Variants in SCAPER observed in about 807,000 individuals in gnomAD.
The protein encoded by SCAPER is S phase cyclin A-associated protein in the endoplasmic reticulum.
In SCAPER, 98 loss-of-function variants were observed where a neutral mutation model predicts 182.2. That is an observed-to-expected ratio of 0.54 (90% CI 0.46 to 0.64). The LOEUF is 0.64. Ranked by LOEUF, SCAPER falls within the 30% of genes least tolerant of loss-of-function variation. The pLI is 0.00. For synonymous variants in SCAPER, 605 were observed against 564.6 expected (o/e 1.07, Z -1.01); for missense variants, 1,432 against 1,690.0 (o/e 0.85, Z 2.68).
At chr15:76,671,768 T>TA (rs879625839) in intron 20 of SCAPER, among the ~76,000 whole-genome samples, 1,489 of 142,570 alleles carry the variant, frequency 0.01, 18 homozygotes, top group African/African-American at 0.034. Context: ...AGACTCCGTT[T>TA]AAAAAAAAAA....
At chr15:76,434,010 G>A in intron 26 of SCAPER, 68 bp downstream of exon 26, 1 of 1,337,426 alleles carries the variant, frequency 7.5e-7, no homozygotes. Flanking sequence ...CATGGGCCTT[G>A]AGATTTAAAT....
intron 17 of SCAPER, among the ~76,000 whole-genome samples, chr15:76,710,712 T>C (rs896705787): frequency 2.0e-5 from 3 of 152,180 alleles, no homozygotes; most frequent in Non-Finnish European, 4.4e-5. Flanking sequence ...AACTGACCTA[T>C]AGATTCAATG....
intron 24 of SCAPER, among the ~76,000 whole-genome samples, chr15:76,504,453 T>C (rs1005682807): frequency 6.6e-6 from 1 of 152,206 alleles, no homozygotes; most frequent in Non-Finnish European, 1.5e-5. Context: ...GCTCTTCCTG[T>C]ATGGTAGGAA....
intron 23 of SCAPER, among the ~76,000 whole-genome samples, chr15:76,544,231 G>A (rs1331631032): frequency 6.6e-6 from 1 of 152,138 alleles, no homozygotes; most frequent in Non-Finnish European, 1.5e-5. Context: ...AATGTAAAGT[G>A]AAACAGGTGC....
chr15:76,470,795 C>T (rs912660289), intron 25 of SCAPER, among the ~76,000 whole-genome samples: 7 of 152,144 alleles, frequency 4.6e-5, no homozygotes, highest in African/African-American at 1.7e-4. Context: ...AAATATCCAT[C>T]AAAAAGTCCT....
At chr15:76,477,164 A>C (rs924765458) in intron 24 of SCAPER, among the ~76,000 whole-genome samples, 4 of 152,202 alleles carry the variant, frequency 2.6e-5, no homozygotes, top group Non-Finnish European at 5.9e-5. Flanking sequence ...TAACATTGTG[A>C]CTTTGAAGGC....
chr15:76,825,776 G>A (rs12910293), intron 5 of SCAPER, among the ~76,000 whole-genome samples: 57,997 of 151,902 alleles, frequency 0.38, 13,080 homozygotes, highest in Middle Eastern at 0.53. Flanking sequence ...ACAGAGTCTC[G>A]CTCTGTTGCC....
At chr15:76,687,255 C>G (rs2058082578) in intron 20 of SCAPER, among the ~76,000 whole-genome samples, 1 of 151,864 alleles carries the variant, frequency 6.6e-6, no homozygotes, top group African/African-American at 2.4e-5. Flanking sequence ...GACATTTGAT[C>G]TAATATATGT....
intron 23 of SCAPER, among the ~76,000 whole-genome samples, chr15:76,528,508 T>C (rs906527727): frequency 3.3e-5 from 5 of 152,170 alleles, no homozygotes; most frequent in African/African-American, 1.2e-4. Flanking sequence ...GGCACCACCA[T>C]CCATACTCCA....
chr15:76,419,903 A>T (rs2957610), intron 26 of SCAPER, among the ~76,000 whole-genome samples: 6,993 of 152,264 alleles, frequency 0.046, 350 homozygotes, highest in African/African-American at 0.13. Context: ...ATACTAACAA[A>T]CTAAATTCAA....
chr15:76,875,888 C>T lies in SCAPER; in HGVS notation c.6+7924G>A, dbSNP rs112575626. ...CGAAAGAGCAGGGGGCGGCGCTGGT[C>T]GAGGAGGCTCGGGCCGCGCAGGACC... On this transcript the variant is annotated intron_variant, in intron 2 of 31. Coordinates refer to ENST00000563290, the MANE Select transcript of SCAPER (RefSeq NM_020843.4). Among the ~76,000 whole-genome samples the T allele has an allele frequency of 7.8e-3, 1,194 of 152,196 alleles. 11 individuals carry two copies. The highest frequency in any genetic ancestry group is 0.027 in the African/African-American group (1,132 of 41,490).
At chr15:76,579,413 G>C (rs1426670278) in intron 22 of SCAPER, among the ~76,000 whole-genome samples, 1 of 151,574 alleles carries the variant, frequency 6.6e-6, no homozygotes, top group African/African-American at 2.4e-5. Context: ...TTCTTTGCTT[G>C]TTTGTTATTT....
At chr15:76,754,071 C>A in intron 14 of SCAPER, 123 bp from the exon 15 acceptor site, 1 of 1,054,922 alleles carries the variant, frequency 9.5e-7, no homozygotes, top group East Asian at 2.4e-5. Flanking sequence ...AGCAACATGA[C>A]TAACAATTAA....
chr15:76,859,276 G>A (rs2071674212), intron 3 of SCAPER, among the ~76,000 whole-genome samples: 1 of 152,188 alleles, frequency 6.6e-6, no homozygotes, highest in South Asian at 2.1e-4. Context: ...ACATAAGTGG[G>A]ACACCCTCAC....
intron 23 of SCAPER, among the ~76,000 whole-genome samples, chr15:76,537,409 C>A (rs180852064): frequency 3.4e-4 from 51 of 152,222 alleles, no homozygotes; most frequent in African/African-American, 1.1e-3. Context: ...TCAGAAATAA[C>A]GCTGCTTATC....
At chr15:76,657,341 T>A (rs192384999) in intron 21 of SCAPER, among the ~76,000 whole-genome samples, 59 of 151,846 alleles carry the variant, frequency 3.9e-4, no homozygotes, top group Non-Finnish European at 7.4e-4. Context: ...CTTTCAAGAT[T>A]GAATGAGGAA....
intron 20 of SCAPER, among the ~76,000 whole-genome samples, chr15:76,694,022 G>A (rs540460069): frequency 6.6e-6 from 1 of 151,942 alleles, no homozygotes; most frequent in South Asian, 2.1e-4. Context: ...AAATCAGGAA[G>A]TGTAATGCCT....
chr15:76,513,449 T>A (rs1159322101), intron 23 of SCAPER, among the ~76,000 whole-genome samples: 1 of 152,164 alleles, frequency 6.6e-6, no homozygotes, highest in East Asian at 1.9e-4. Context: ...GTCTCAATGA[T>A]GAACCAACAA....
At chr15:76,892,243 C>T (rs917029648) in intron 1 of SCAPER, among the ~76,000 whole-genome samples, 1 of 152,168 alleles carries the variant, frequency 6.6e-6, no homozygotes, top group African/African-American at 2.4e-5. Context: ...CTAGGCAATA[C>T]CTTCAGGACA....
Sources: allele counts gnomAD v4.1 joint callset (sites outside exome capture counted in the v4.1 genomes callset), GRCh38; gene constraint gnomAD v4.1.1; transcripts MANE v1.5; gene names NCBI Gene and HGNC (gene_info 2026-07-23, HGNC 2026-07-21).